The following FHIT variants were observed in gnomAD, a reference collection of about 807,000 sequenced individuals.
The protein encoded by FHIT is fragile histidine triad diadenosine triphosphatase, also known as bis(5'-adenosyl)-triphosphatase.
A neutral mutation model predicts 17.9 loss-of-function variants in FHIT; 19 were observed. The ratio of observed to expected loss-of-function variants is 1.06; its 90% CI spans 0.74 to 1.56. FHIT has a LOEUF of 1.56. FHIT is among the 40% of genes most tolerant of loss of function. The pLI is 0.00. For synonymous variants in FHIT, 81 were observed against 69.7 expected (o/e 1.16, Z -0.81); for missense variants, 248 against 189.2 (o/e 1.31, Z -1.82).
At chr3:60,114,489 C>CTTTTTTTTTTTTTTTT (rs1576129465) in intron 5 of FHIT, among the ~76,000 whole-genome samples, 45 of 61,594 alleles carry the variant, frequency 7.3e-4, no homozygotes, top group Non-Finnish European at 1.0e-3. Context: ...AAGAGAAATC[C>CTTTTTTTTTTTTTTTT]TTTTTTTTTT....
At chr3:61,019,642 A>G (rs2032303189) in intron 3 of FHIT, among the ~76,000 whole-genome samples, 1 of 152,190 alleles carries the variant, frequency 6.6e-6, no homozygotes, top group African/African-American at 2.4e-5. Flanking sequence ...TAGCACACTT[A>G]GCTCTCTTTA....
intron 4 of FHIT, among the ~76,000 whole-genome samples, chr3:60,783,883 G>A (rs1327556894): frequency 6.6e-6 from 1 of 152,190 alleles, no homozygotes; most frequent in South Asian, 2.1e-4. Context: ...CCTTTCTCCC[G>A]GATATTTAAT....
chr3:59,805,541 A>T (rs2107007992), intron 8 of FHIT, among the ~76,000 whole-genome samples: 1 of 152,156 alleles, frequency 6.6e-6, no homozygotes, highest in Non-Finnish European at 1.5e-5. Context: ...TCTGAACAAA[A>T]CTCTGTGCTA....
chr3:60,972,084 A>G (rs1271615956), intron 3 of FHIT, among the ~76,000 whole-genome samples: 3 of 152,166 alleles, frequency 2.0e-5, no homozygotes, highest in African/African-American at 4.8e-5. Flanking sequence ...AAATTGTTCT[A>G]TCTTTAGTTA....
chr3:60,571,078 A>G (rs1214146092), intron 4 of FHIT, among the ~76,000 whole-genome samples: 5 of 152,074 alleles, frequency 3.3e-5, no homozygotes, highest in African/African-American at 1.2e-4. Context: ...CTGTAATCCC[A>G]GCACTTTGGG....
intron 2 of FHIT, among the ~76,000 whole-genome samples, chr3:61,115,270 T>A (rs1004127112): frequency 1.2e-4 from 18 of 152,134 alleles, no homozygotes; most frequent in African/African-American, 4.3e-4. Context: ...ATCCTTGGAC[T>A]GGAAGAGAAA....
At chr3:60,507,469 T>C (rs1354077073) in intron 5 of FHIT, among the ~76,000 whole-genome samples, 3 of 152,196 alleles carry the variant, frequency 2.0e-5, no homozygotes, top group Admixed American at 6.5e-5. Context: ...CAAAGGTTTT[T>C]TGTTTTGTTT....
intron 2 of FHIT, among the ~76,000 whole-genome samples, chr3:61,169,399 A>G (rs1426166700): frequency 1.3e-5 from 2 of 152,170 alleles, no homozygotes; most frequent in Non-Finnish European, 2.9e-5. Flanking sequence ...CATATAAGTA[A>G]AATAAAATCT....
At chr3:60,093,593 C>A (rs11921963) in intron 5 of FHIT, among the ~76,000 whole-genome samples, 6,212 of 152,250 alleles carry the variant, frequency 0.041, 181 homozygotes, top group Non-Finnish European at 0.058. Context: ...CCCCAACCGC[C>A]GTGCCACACA....
At chr3:60,819,859 C>G (rs1397948015) in intron 4 of FHIT, among the ~76,000 whole-genome samples, 1 of 152,148 alleles carries the variant, frequency 6.6e-6, no homozygotes, top group Non-Finnish European at 1.5e-5. Flanking sequence ...GGCACATACT[C>G]TTTACTATTA....
At chr3:60,656,037 T>C (rs547560523) in intron 4 of FHIT, among the ~76,000 whole-genome samples, 1 of 152,320 alleles carries the variant, frequency 6.6e-6, no homozygotes, top group African/African-American at 2.4e-5. Context: ...TCAATTACAA[T>C]CCCTAGCAGT....
At chr3:60,352,238 G>A (rs1040771280) in intron 5 of FHIT, among the ~76,000 whole-genome samples, 4 of 152,178 alleles carry the variant, frequency 2.6e-5, no homozygotes, top group Non-Finnish European at 5.9e-5. Context: ...CTTGGATGAT[G>A]CAGACAAAAA....
At chr3:60,969,267 T>G (rs1709894854) in intron 3 of FHIT, among the ~76,000 whole-genome samples, 1 of 152,132 alleles carries the variant, frequency 6.6e-6, no homozygotes, top group Non-Finnish European at 1.5e-5. Flanking sequence ...TTAAGGAATT[T>G]AACCATTTCA....
At chr3:60,514,386 C>T (rs762664605) in intron 5 of FHIT, among the ~76,000 whole-genome samples, 3 of 152,226 alleles carry the variant, frequency 2.0e-5, no homozygotes, top group Admixed American at 6.5e-5. Flanking sequence ...TTTCCTTGCA[C>T]GCTCCCTCCC....
chr3:60,635,196 A>T (rs1490401219), intron 4 of FHIT, among the ~76,000 whole-genome samples: 1 of 152,232 alleles, frequency 6.6e-6, no homozygotes, highest in Non-Finnish European at 1.5e-5. Flanking sequence ...TAGAGTCAGA[A>T]ATATAAAATT....
chr3:60,997,215 GCCC>G (rs970536648), intron 3 of FHIT, among the ~76,000 whole-genome samples: 2 of 152,172 alleles, frequency 1.3e-5, no homozygotes, highest in Non-Finnish European at 2.9e-5. Context: ...CAGAATCCCT[GCCC>G]TTGGGTGCCT....
intron 5 of FHIT, among the ~76,000 whole-genome samples, chr3:60,361,560 T>G (rs1447976228): frequency 2.6e-5 from 4 of 152,194 alleles, no homozygotes; most frequent in Non-Finnish European, 5.9e-5. Context: ...TCATAGAAGA[T>G]GCAATGGCAA....
chr3:60,482,398 G>C (rs943934396), intron 5 of FHIT, among the ~76,000 whole-genome samples: 14 of 152,056 alleles, frequency 9.2e-5, no homozygotes, highest in African/African-American at 3.4e-4. Context: ...AGTTCCACGT[G>C]GCATTATTCT....
intron 8 of FHIT, among the ~76,000 whole-genome samples, chr3:59,791,685 T>C (rs142748978): frequency 4.9e-4 from 75 of 152,274 alleles, no homozygotes; most frequent in Non-Finnish European, 7.6e-4. Flanking sequence ...ATGCTGAGTA[T>C]AGGCCTTGTC....
Sources: allele counts gnomAD v4.1 joint callset (sites outside exome capture counted in the v4.1 genomes callset), GRCh38; gene constraint gnomAD v4.1.1; transcripts MANE v1.5; gene names NCBI Gene and HGNC (gene_info 2026-07-23, HGNC 2026-07-21).